MFSD11: variants seen among roughly 807,000 people sequenced by gnomAD.
MFSD11 encodes the protein UNC93-like protein MFSD11.
In MFSD11, 36 loss-of-function variants were observed where a neutral mutation model predicts 53.5. That is an observed-to-expected ratio of 0.67 (90% CI 0.52 to 0.89). The LOEUF (loss-of-function observed/expected upper bound fraction) is 0.89, where lower values mean the gene tolerates loss of function less well. Ranked by LOEUF, MFSD11 falls within the 40% of genes least tolerant of loss-of-function variation. MFSD11 has a pLI of 0.00. For missense variants in MFSD11, 530 were observed against 543.9 expected, an observed-to-expected ratio of 0.97 and a Z score of 0.25; for synonymous variants, 186 against 184.9, an observed-to-expected ratio of 1.01 and a Z score of -0.05.
At chr17:76,774,571 G>C (rs2081645972) in intron 10 of MFSD11, among the ~76,000 whole-genome samples, 1 of 152,172 alleles carries the variant, frequency 6.6e-6, no homozygotes, top group African/African-American at 2.4e-5. Context: ...AGGCCTCTCT[G>C]ACTCCCCTTC....
downstream of MFSD11, among the ~76,000 whole-genome samples, chr17:76,783,633 A>G (rs8080948): frequency 0.032 from 4,895 of 152,230 alleles, 270 homozygotes; most frequent in African/African-American, 0.11. Context: ...GTCTTGGCTC[A>G]CTGCAACCTC....
At chr17:76,778,146 G>T in intron 12 of MFSD11, 42 bp from the exon 13 acceptor site, 1 of 1,610,396 alleles carries the variant, frequency 6.2e-7, no homozygotes, top group South Asian at 1.1e-5. Flanking sequence ...GCTCAGTGTG[G>T]CCCCCGGTGC....
intron 6 of MFSD11, 33 bp from the exon 7 acceptor site, chr17:76,744,289 G>A (rs371200723): frequency 3.8e-6 from 6 of 1,580,682 alleles, no homozygotes; most frequent in East Asian, 4.6e-5. Flanking sequence ...TTGTTTGGTC[G>A]ATACTATCTT....
At chr17:76,787,174 C>T in the MFSD11 span, among the ~76,000 whole-genome samples, 4 of 141,534 alleles carry the variant, frequency 2.8e-5, no homozygotes, top group Non-Finnish European at 6.0e-5. Context: ...TCGCTCTTGT[C>T]GCCCAGGCTG....
chr17:76,741,867 G>A, intron 3 of MFSD11, 102 bp from the exon 4 acceptor site: 2 of 1,569,374 alleles, frequency 1.3e-6, no homozygotes, highest in Non-Finnish European at 1.7e-6. Flanking sequence ...TACAGGTTGA[G>A]TTTTAAAAGA....
At chr17:76,793,508 A>G in the MFSD11 span, among the ~76,000 whole-genome samples, 6 of 151,490 alleles carry the variant, frequency 4.0e-5, no homozygotes, top group African/African-American at 7.3e-5. Flanking sequence ...CCCAGATTTC[A>G]TATTGTTCAA....
chr17:76,749,903 A>C (rs2078903365), intron 7 of MFSD11, among the ~76,000 whole-genome samples: 1 of 151,902 alleles, frequency 6.6e-6, no homozygotes, highest in Non-Finnish European at 1.5e-5. Context: ...AAAAAAAAAA[A>C]AAAGCAGAGA....
chr17:76,786,793 A>T, the MFSD11 span, among the ~76,000 whole-genome samples: 5 of 152,124 alleles, frequency 3.3e-5, no homozygotes. Flanking sequence ...GCAGGTGTTT[A>T]TTTAGCATTA....
chr17:76,762,212 C>T (rs1027023157), intron 8 of MFSD11, among the ~76,000 whole-genome samples: 1 of 152,120 alleles, frequency 6.6e-6, no homozygotes, highest in African/African-American at 2.4e-5. Flanking sequence ...AATCATACAA[C>T]ATGTGGTCTT....
chr17:76,767,405 TG>T lies in MFSD11; in HGVS notation c.703del (p.Val235SerfsTer19). 6.2e-7 allele frequency: 1 copy of T among 1,601,436 alleles called. No homozygotes were observed. Among genetic ancestry groups the T allele is most frequent in the Non-Finnish European group, 8.6e-7 (1 of 1,169,508 alleles). ...TTACAGAAAAGTCTTTTAAGTTATG[TG>T]TCACCAAGGAGATGCTCCTTCTTAG... ...DAFKKSFKLCVTKEMLLLSIT... is the reference protein window; with the variant it reads ...DAFKKSFKLCXTKEMLLLSIT... On this transcript the variant is annotated frameshift_variant, in exon 9 of 13. Transcript: ENST00000685175. LOFTEE classifies it high-confidence loss of function.
Position 76,778,583 on chromosome 17 carries a change from A to G in MFSD11, c.*231A>G, listed in dbSNP as rs1240904314. ...TTCTGTCAACTGTAATTGTTCAAAG[A>G]TGTTGTTTTTCATTTCATCTATCTC... On this transcript the variant is annotated 3_prime_UTR_variant, in exon 13 of 13. Transcript: ENST00000685175. 1 of 456,230 alleles carries G rather than the reference A, an allele frequency of 2.2e-6. No individual in the cohort carries two copies. The highest frequency in any genetic ancestry group is 3.9e-6 in the Non-Finnish European group (1 of 257,914). 28.3% of individuals were successfully genotyped at this position (456,230 alleles called of 1,614,324 possible).
At chr17:76,758,923 C>G (rs533178643) in intron 8 of MFSD11, among the ~76,000 whole-genome samples, 1 of 152,128 alleles carries the variant, frequency 6.6e-6, no homozygotes, top group African/African-American at 2.4e-5. Flanking sequence ...TCACCGGAAG[C>G]CTTACTGATA....
the MFSD11 span, among the ~76,000 whole-genome samples, chr17:76,791,821 C>T: frequency 6.8e-6 from 1 of 148,040 alleles, no homozygotes; most frequent in African/African-American, 2.5e-5. Flanking sequence ...TGCTATACAG[C>T]TGGTTTTGGT....
intron 8 of MFSD11, among the ~76,000 whole-genome samples, chr17:76,762,651 G>A (rs1191264811): frequency 3.6e-5 from 3 of 83,754 alleles, no homozygotes; most frequent in African/African-American, 8.6e-5. Flanking sequence ...GCGAGACTCC[G>A]TCTCCAAAAA....
intron 9 of MFSD11, among the ~76,000 whole-genome samples, chr17:76,767,788 C>A (rs1443176190): frequency 6.6e-6 from 1 of 152,090 alleles, no homozygotes. Flanking sequence ...GGAAAGAATA[C>A]CAGACCTTCT....
intron 7 of MFSD11, 46 bp from the exon 8 acceptor site, chr17:76,754,001 T>C (rs746283550): frequency 1.3e-6 from 2 of 1,514,456 alleles, no homozygotes; most frequent in Admixed American, 1.8e-5. Flanking sequence ...TTTGTTCTTT[T>C]ATTTTCAAAA....
chr17:76,784,924 TATTCTC>T (rs1419119072), downstream of MFSD11, among the ~76,000 whole-genome samples: 3 of 152,210 alleles, frequency 2.0e-5, no homozygotes, highest in African/African-American at 7.2e-5. Flanking sequence ...CAAAAAAACT[TATTCTC>T]AACAAACTAA....
intron 8 of MFSD11, among the ~76,000 whole-genome samples, chr17:76,755,724 G>GTATATGTATA (rs202246128): frequency 7.6e-6 from 1 of 131,642 alleles, no homozygotes; most frequent in African/African-American, 2.7e-5. Flanking sequence ...ATATATATGT[G>GTATATGTATA]TATATGTATA....
rs139179696 is a variant in MFSD11 at position 76,774,072 on chromosome 17, T to C, written c.875-925T>C. ...TCTTAAGTAGCTGGGACTACAGGCATGTGCCACCACACCTGGCTAATTTTT... is the reference window on the plus strand; with the variant it reads ...TCTTAAGTAGCTGGGACTACAGGCACGTGCCACCACACCTGGCTAATTTTT... On this transcript the variant is annotated intron_variant, in intron 10 of 12. Transcript: ENST00000685175. 4.6e-3 allele frequency among the ~76,000 whole-genome samples: 701 copies of C among 151,950 alleles called. 9 individuals are homozygous for C. The highest frequency in any genetic ancestry group is 0.016 in the African/African-American group (647 of 41,448).
Sources: allele counts gnomAD v4.1 joint callset (sites outside exome capture counted in the v4.1 genomes callset), GRCh38; gene constraint gnomAD v4.1.1; transcripts MANE v1.5; gene names NCBI Gene and HGNC (gene_info 2026-07-23, HGNC 2026-07-21).